CRB1: variants seen among roughly 807,000 people sequenced by gnomAD.
The protein encoded by CRB1 is protein crumbs homolog 1.
CRB1 carries 83 observed loss-of-function variants against 120.0 expected under a neutral mutation model. That is an observed-to-expected ratio of 0.69 (90% CI 0.58 to 0.83). The LOEUF is 0.83. Ranked by LOEUF, CRB1 falls within the 40% of genes least tolerant of loss-of-function variation. The pLI, the probability that CRB1 is intolerant of heterozygous loss-of-function variation, is 0.00. For synonymous variants in CRB1, 625 were observed against 612.5 expected (o/e 1.02, Z -0.30); for missense variants, 1,699 against 1,687.6 (o/e 1.01, Z -0.12).
At chr1:197,264,916 C>T (rs1422734197), upstream of CRB1, among the ~76,000 whole-genome samples, 6 of 152,000 alleles carry the variant, frequency 3.9e-5, no homozygotes, top group African/African-American at 1.4e-4. Flanking sequence ...TGAGCCACCA[C>T]GCCCGGCCAG....
chr1:197,432,600 C>G (rs1459732064), intron 8 of CRB1, among the ~76,000 whole-genome samples: 3 of 152,032 alleles, frequency 2.0e-5, no homozygotes, highest in Non-Finnish European at 4.4e-5. Flanking sequence ...CAGGGACACA[C>G]AGGCTTAGGC....
chr1:197,457,915 G>A (rs1163448736), intron 11 of CRB1, among the ~76,000 whole-genome samples: 1 of 152,024 alleles, frequency 6.6e-6, no homozygotes, highest in Non-Finnish European at 1.5e-5. Flanking sequence ...ATGTCAGAAT[G>A]CCCATGTTTT....
chr1:197,456,415 T>C (rs909178990), intron 11 of CRB1, among the ~76,000 whole-genome samples: 4 of 152,134 alleles, frequency 2.6e-5, no homozygotes, highest in Non-Finnish European at 5.9e-5. Flanking sequence ...GTGAATGTTT[T>C]TATTCATCCT....
chr1:197,359,077 A>G lies in CRB1; in HGVS notation c.1171+2064A>G, dbSNP rs560266306. 6.8e-3 allele frequency among the ~76,000 whole-genome samples: 1,043 copies of G among 152,294 alleles called. 14 individuals carry two copies. The highest frequency in any genetic ancestry group is 0.024 in the African/African-American group (982 of 41,560). The stretch of plus-strand genomic sequence containing the variant: ...TAATAGTATATTTATGTGCAGTTTT[A>G]AGAAATACAGGGAGGCCCATGTATG... On this transcript the variant is annotated intron_variant, in intron 5 of 11. Transcript: ENST00000367400.
chr1:197,249,556 G>A, the CRB1 span, among the ~76,000 whole-genome samples: 18 of 152,014 alleles, frequency 1.2e-4, no homozygotes, highest in South Asian at 4.1e-4. Context: ...TAAAAGTAAC[G>A]AGAGGTCATG....
intron 6 of CRB1, among the ~76,000 whole-genome samples, chr1:197,423,141 A>G (rs1664419274): frequency 6.6e-6 from 1 of 152,220 alleles, no homozygotes; most frequent in Admixed American, 6.5e-5. Context: ...CAATATTTTT[A>G]CTACATATAC....
At chr1:197,242,708 C>A in the CRB1 span, among the ~76,000 whole-genome samples, 1 of 152,076 alleles carries the variant, frequency 6.6e-6, no homozygotes, top group East Asian at 1.9e-4. Flanking sequence ...AGGGAGGAGT[C>A]CCTCTTTTTA....
intron 5 of CRB1, among the ~76,000 whole-genome samples, chr1:197,370,541 A>G (rs1392041472): frequency 2.6e-5 from 4 of 152,202 alleles, no homozygotes; most frequent in Non-Finnish European, 5.9e-5. Context: ...AACCATGGAA[A>G]TTAAATAACC....
the CRB1 span, among the ~76,000 whole-genome samples, chr1:197,242,168 AC>A: frequency 4.3e-4 from 66 of 152,118 alleles, no homozygotes; most frequent in Admixed American, 1.2e-3. Flanking sequence ...CTATTTGAAT[AC>A]CCTTTATTTC....
intron 5 of CRB1, among the ~76,000 whole-genome samples, chr1:197,362,073 T>C (rs1660798981): frequency 6.6e-6 from 1 of 152,080 alleles, no homozygotes; most frequent in Admixed American, 6.5e-5. Context: ...TTAAAATTCC[T>C]TTTTGACATC....
chr1:197,310,233 T>A (rs1208291480), intron 1 of CRB1, among the ~76,000 whole-genome samples: 3 of 152,144 alleles, frequency 2.0e-5, no homozygotes, highest in African/African-American at 4.8e-5. Context: ...AGACTCTCTT[T>A]CCCTCCTCAA....
chr1:197,361,964 T>G (rs182257531), intron 5 of CRB1, among the ~76,000 whole-genome samples: 30 of 152,170 alleles, frequency 2.0e-4, no homozygotes, highest in Non-Finnish European at 1.9e-4. Flanking sequence ...TTTTCTAATA[T>G]ATAAGCATTA....
At chr1:197,341,710 T>A (rs549880370) in intron 2 of CRB1, among the ~76,000 whole-genome samples, 59 of 144,540 alleles carry the variant, frequency 4.1e-4, no homozygotes, top group African/African-American at 1.7e-3. Context: ...AAACCAAACA[T>A]TTTTTTTCCC....
chr1:197,396,953 C>G (rs992042002), intron 5 of CRB1, among the ~76,000 whole-genome samples: 2 of 151,954 alleles, frequency 1.3e-5, no homozygotes, highest in African/African-American at 4.8e-5. Flanking sequence ...AATTGCACTT[C>G]ACCAAAATTA....
At chr1:197,429,361 T>C (rs1275041648) in intron 7 of CRB1, 88 bp from the exon 8 acceptor site, 9 of 1,508,738 alleles carry the variant, frequency 6.0e-6, no homozygotes, top group Non-Finnish European at 8.3e-6. Flanking sequence ...AATTAGCATT[T>C]TAAAAAAACA....
Position 197,450,667 on chromosome 1 carries a change from G to A in CRB1, c.4005+8375G>A, listed in dbSNP as rs1181664232. 3.3e-5 allele frequency among the ~76,000 whole-genome samples: 5 copies of A among 151,662 alleles called. No individual in the cohort carries two copies. In the South Asian group the frequency reaches 8.3e-4, roughly 25 times the overall value. ...TTAATACAGAAAGCATAGGCCGGGC[G>A]CGGTGGCTCATGCCTGTAATCCCAG... On this transcript the variant is annotated intron_variant, in intron 11 of 11. Transcript: ENST00000367400.
the CRB1 span, among the ~76,000 whole-genome samples, chr1:197,256,750 C>T: frequency 6.6e-6 from 1 of 150,766 alleles, no homozygotes; most frequent in Non-Finnish European, 1.5e-5. Flanking sequence ...CACATGTATA[C>T]ATATGTAACT....
chr1:197,400,393 C>T (rs537670294), intron 5 of CRB1, among the ~76,000 whole-genome samples: 9 of 151,168 alleles, frequency 6.0e-5, no homozygotes, highest in Non-Finnish European at 1.2e-4. Flanking sequence ...CTCACTGCAG[C>T]CTGCAGCCTC....
In CRB1 at chr1:197,435,415, C is replaced by A; in HGVS notation, c.3552C>A (p.Asn1184Lys). The A allele has an allele frequency of 6.2e-7, 1 of 1,601,268 alleles. No homozygotes were observed. Among genetic ancestry groups the A allele is most frequent in the Non-Finnish European group, 8.5e-7 (1 of 1,173,218 alleles). ...TCAACATCGATGAATGCTTTTCAAA[C>A]CCCTGTATCCATGGCAACTGCTCTG... ...CELNIDECFS[N>K]PCIHGNCSDR... Residue 1184 changes from asparagine (N) to lysine (K), a missense_variant, in exon 9 of 12, where the codon AAC becomes AAA. Coordinates refer to ENST00000367400, the MANE Select transcript of CRB1 (RefSeq NM_201253.3).
Sources: gnomAD v4.1 joint callset for allele counts (sites outside exome capture counted in the v4.1 genomes callset) on GRCh38, gnomAD v4.1.1 for gene constraint, MANE v1.5 for transcripts, NCBI Gene and HGNC (gene_info 2026-07-23, HGNC 2026-07-21) for gene names.